The following VWC2 variants were observed in gnomAD, a reference collection of about 807,000 sequenced individuals.
The protein encoded by VWC2 is brorin.
In VWC2, 14 loss-of-function variants were observed where a neutral mutation model predicts 29.8. The observed-to-expected ratio is 0.47, with a 90% CI of 0.31 to 0.74. VWC2 has a LOEUF of 0.74. Among genes scored for constraint, VWC2 ranks in the 30% least tolerant of loss-of-function variants. The probability of loss-of-function intolerance (pLI) is 0.05; values close to 1 mark genes in which losing one functional copy is unlikely to be tolerated. For missense variants in VWC2, 457 were observed against 459.8 expected (o/e 0.99, Z 0.05); for synonymous variants, 213 against 199.0 (o/e 1.07, Z -0.59).
At chr7:49,906,736 G>C (rs1793118806) in intron 3 of VWC2, among the ~76,000 whole-genome samples, 1 of 152,182 alleles carries the variant, frequency 6.6e-6, no homozygotes. Flanking sequence ...CTGAAGTACA[G>C]ATGCTGAGTT....
intron 3 of VWC2, among the ~76,000 whole-genome samples, chr7:49,869,557 C>A (rs557431406): frequency 1.3e-5 from 2 of 152,170 alleles, no homozygotes; most frequent in African/African-American, 4.8e-5. Context: ...TTATACTGAT[C>A]CTTTTGCAAA....
chr7:49,877,560 CT>C (rs1274803249), intron 3 of VWC2, among the ~76,000 whole-genome samples: 1 of 118,140 alleles, frequency 8.5e-6, no homozygotes, highest in African/African-American at 3.1e-5. Context: ...CTTTGTCTTC[CT>C]TTTTTTTATG....
Position 49,917,687 on chromosome 7 carries a change from T to C in VWC2, c.*5502T>C, listed in dbSNP as rs529168650. The C allele has an allele frequency of 2.0e-4, 30 of 152,302 alleles. No homozygotes were observed. The highest frequency in any genetic ancestry group is 7.2e-4 in the African/African-American group (30 of 41,582). The allele number at this position is 152,302 out of a possible 1,614,324, so 9.4% of individuals were successfully genotyped here. A position where few individuals can be genotyped will look rare whatever the true frequency, so the allele number is the denominator to read the frequency against. ...AGTAGAAATATTTCTCAATTTTATT[T>C]GGTATCTAATTATATTAAGACCAAC... On this transcript the variant is annotated 3_prime_UTR_variant, in exon 4 of 4. Coordinates refer to ENST00000340652, the MANE Select transcript of VWC2 (RefSeq NM_198570.5).
intron 3 of VWC2, among the ~76,000 whole-genome samples, chr7:49,883,713 A>C (rs1417781493): frequency 6.6e-6 from 1 of 152,244 alleles, no homozygotes; most frequent in African/African-American, 2.4e-5. Flanking sequence ...AACAGACATC[A>C]GAACAGATCA....
chr7:49,778,873 C>T (rs947562177), intron 2 of VWC2, among the ~76,000 whole-genome samples: 4 of 152,206 alleles, frequency 2.6e-5, no homozygotes, highest in Admixed American at 1.3e-4. Context: ...GTGCTTTGCA[C>T]TTCTCTGAAG....
At chr7:49,866,950 GC>G (rs1790917569) in intron 3 of VWC2, among the ~76,000 whole-genome samples, 1 of 152,204 alleles carries the variant, frequency 6.6e-6, no homozygotes, top group East Asian at 1.9e-4. Context: ...AGACCCAGAA[GC>G]CCACCTGTGT....
chr7:49,778,352 A>G (rs1237859694), intron 2 of VWC2, among the ~76,000 whole-genome samples: 1 of 152,254 alleles, frequency 6.6e-6, no homozygotes, highest in Admixed American at 6.5e-5. Flanking sequence ...TGCATCTTCC[A>G]TCTTCAAATG....
At chr7:49,852,536 C>G (rs1790222429) in intron 3 of VWC2, among the ~76,000 whole-genome samples, 1 of 152,086 alleles carries the variant, frequency 6.6e-6, no homozygotes, top group Non-Finnish European at 1.5e-5. Context: ...GGCAGAAGGG[C>G]CGAAGATCAT....
In VWC2 at chr7:49,785,523, A is replaced by G. The variant is rs1421239807; in HGVS notation, c.696+9392A>G. Among the ~76,000 whole-genome samples the G allele has an allele frequency of 2.0e-5, 3 of 152,338 alleles. No individual in the cohort carries two copies. In the East Asian group the frequency reaches 5.8e-4, roughly 29 times the overall value. ...CTAGTTGAAAGACATCTATTTTCTC[A>G]TTCAGGAAACCCAATGAATCTAAAG... On this transcript the variant is annotated intron_variant, in intron 2 of 3. Transcript: ENST00000340652.
intron 3 of VWC2, among the ~76,000 whole-genome samples, chr7:49,904,288 AT>A (rs1262182428): frequency 1.3e-5 from 2 of 152,082 alleles, no homozygotes; most frequent in African/African-American, 4.8e-5. Flanking sequence ...TGCCTAAGTG[AT>A]TTCTTCTTCA....
chr7:49,896,012 TC>T (rs1450811742), intron 3 of VWC2, among the ~76,000 whole-genome samples: 2 of 152,158 alleles, frequency 1.3e-5, no homozygotes, highest in Admixed American at 6.5e-5. Context: ...TTATTGTGCT[TC>T]AAGTCTATAA....
intron 3 of VWC2, among the ~76,000 whole-genome samples, chr7:49,843,963 A>C (rs553537935): frequency 6.6e-6 from 1 of 152,214 alleles, no homozygotes; most frequent in African/African-American, 2.4e-5. Flanking sequence ...ATTCTATTAC[A>C]GGGGCCTATG....
chr7:49,784,128 A>G (rs989023416), intron 2 of VWC2, among the ~76,000 whole-genome samples: 4 of 152,324 alleles, frequency 2.6e-5, no homozygotes, highest in Middle Eastern at 3.4e-3. Flanking sequence ...TATTTGTATA[A>G]ATTGATGGGG....
intron 3 of VWC2, among the ~76,000 whole-genome samples, chr7:49,882,324 C>T (rs968498913): frequency 6.6e-6 from 1 of 152,122 alleles, no homozygotes; most frequent in Non-Finnish European, 1.5e-5. Context: ...AATGTTAGCA[C>T]ATGGCAATAA....
At chr7:49,802,644 A>T in intron 2 of VWC2, 67 bp from the exon 3 acceptor site, 1 of 1,592,666 alleles carries the variant, frequency 6.3e-7, no homozygotes, top group Non-Finnish European at 8.6e-7. Context: ...TTTCAAAAAA[A>T]TATATATGAC....
At chr7:49,801,268 G>A (rs764288854) in intron 2 of VWC2, among the ~76,000 whole-genome samples, 3 of 152,232 alleles carry the variant, frequency 2.0e-5, no homozygotes, top group African/African-American at 7.2e-5. Flanking sequence ...TATCATGGAC[G>A]TGGGGCACAC....
At chr7:49,778,243 C>T (rs1201989174) in intron 2 of VWC2, among the ~76,000 whole-genome samples, 1 of 151,944 alleles carries the variant, frequency 6.6e-6, no homozygotes, top group African/African-American at 2.4e-5. Flanking sequence ...TGTTTTCAAA[C>T]TCTGAGGATG....
chr7:49,874,185 C>A (rs1791298754), intron 3 of VWC2, among the ~76,000 whole-genome samples: 1 of 151,692 alleles, frequency 6.6e-6, no homozygotes, highest in African/African-American at 2.4e-5. Flanking sequence ...CACACCCACA[C>A]ACACACACAC....
rs532404791 is a variant in VWC2, at chr7:49,849,805, T to G, written c.826+46965T>G. On this transcript the variant is annotated intron_variant, in intron 3 of 3. Coordinates refer to ENST00000340652, the MANE Select transcript of VWC2 (RefSeq NM_198570.5). ...AAAAGTGGCTCCTGCTCTAACCAAGTCTTGGGGTAGAATCACTTCTCAGAT... is the reference window on the plus strand; with the variant it reads ...AAAAGTGGCTCCTGCTCTAACCAAGGCTTGGGGTAGAATCACTTCTCAGAT... Among the ~76,000 whole-genome samples, 3 of 151,980 alleles carry G rather than the reference T, an allele frequency of 2.0e-5. No individual in the cohort carries two copies. The South Asian group carries it at 6.3e-4, about 32-fold the overall frequency.
Sources: gnomAD v4.1 joint callset for allele counts (sites outside exome capture counted in the v4.1 genomes callset) on GRCh38, gnomAD v4.1.1 for gene constraint, MANE v1.5 for transcripts, NCBI Gene and HGNC (gene_info 2026-07-23, HGNC 2026-07-21) for gene names.